PSD2: variants seen among roughly 807,000 people sequenced by gnomAD.
PSD2 encodes the protein PH and SEC7 domain-containing protein 2.
Under a neutral mutation model 69.8 loss-of-function variants are expected in PSD2, and 38 were observed. The observed-to-expected ratio is 0.54, with a 90% CI of 0.42 to 0.71. The LOEUF is 0.71. Among genes scored for constraint, PSD2 ranks in the 30% least tolerant of loss-of-function variants. PSD2 has a pLI of 0.00. For missense variants in PSD2, 943 were observed against 1,014.5 expected (o/e 0.93, Z 0.96); for synonymous variants, 412 against 423.0 (o/e 0.97, Z 0.32).
chr5:139,746,433 C>T, the PSD2 span, among the ~76,000 whole-genome samples: 7 of 152,198 alleles, frequency 4.6e-5, no homozygotes, highest in Admixed American at 2.6e-4. This position sits in a 1 kb window ranked among gnomAD's most constrained non-coding sequence, Gnocchi z 4.5. Flanking sequence ...GCTGGGGGGT[C>T]ACCCGAGCCT....
chr5:139,774,360 T>C, the PSD2 span, among the ~76,000 whole-genome samples: 1 of 152,046 alleles, frequency 6.6e-6, no homozygotes, highest in African/African-American at 2.4e-5. Context: ...GGACCTGAAG[T>C]GTGGAGTGAG....
chr5:139,840,237 T>C, intron 14 of PSD2, 67 bp downstream of exon 14: 1 of 1,569,200 alleles, frequency 6.4e-7, no homozygotes. Flanking sequence ...CCTGGCCTGA[T>C]GTGGGACTGG....
At chr5:139,765,982 G>C in the PSD2 span, among the ~76,000 whole-genome samples, 1 of 152,060 alleles carries the variant, frequency 6.6e-6, no homozygotes. Context: ...TCCTTTTTTG[G>C]GCCTGTCCTC....
intron 7 of PSD2, among the ~76,000 whole-genome samples, chr5:139,824,058 G>C (rs1253063687): frequency 2.0e-5 from 3 of 152,246 alleles, no homozygotes; most frequent in African/African-American, 7.2e-5. Context: ...CAAAGCCCAT[G>C]AGCCTGCTGC....
the PSD2 span, among the ~76,000 whole-genome samples, chr5:139,762,168 A>G: frequency 6.6e-6 from 1 of 150,834 alleles, no homozygotes; most frequent in Non-Finnish European, 1.5e-5. Flanking sequence ...TCAACCTCCC[A>G]AGTAGCTAGG....
chr5:139,830,608 C>CTTTCTCTTTT (rs1469905987), intron 7 of PSD2, among the ~76,000 whole-genome samples: 1 of 101,948 alleles, frequency 9.8e-6, no homozygotes, highest in Non-Finnish European at 2.0e-5. Flanking sequence ...TTCTTTCTTT[C>CTTTCTCTTTT]TCTTTCTTTC....
chr5:139,760,373 TCCACAGGTGTGCTCACGGGGGAC>T, the PSD2 span, among the ~76,000 whole-genome samples: 5 of 152,154 alleles, frequency 3.3e-5, no homozygotes, highest in African/African-American at 9.7e-5. Flanking sequence ...TGGTGCCAGA[TCCACAGGTGTGCTCACGGGGGAC>T]CCACAGGTGT....
chr5:139,814,095 A>G lies in PSD2; in HGVS notation c.822-75A>G. 6.8e-7 allele frequency: 1 copy of G among 1,471,026 alleles called. No individual in the cohort carries two copies. The allele number at this position is 1,471,026 out of a possible 1,614,324, so 91.1% of individuals were successfully genotyped here. On this transcript the variant is annotated intron_variant, in intron 3 of 14. Transcript: ENST00000274710. This position sits in a 1 kb window ranked among gnomAD's most constrained non-coding sequence, Gnocchi z 4.4. ...CTACATGGTTTGCAGTGGCCTGGGG[A>G]AACCTCCCAGCCTCCTCTGGGGCCT...
the PSD2 span, among the ~76,000 whole-genome samples, chr5:139,747,049 C>G: frequency 6.6e-6 from 1 of 152,174 alleles, no homozygotes; most frequent in Admixed American, 6.5e-5. This position sits in a 1 kb window ranked among gnomAD's most constrained non-coding sequence, Gnocchi z 6.7. Context: ...TCCTCTCTGG[C>G]TCTGAGGTTC....
the PSD2 span, among the ~76,000 whole-genome samples, chr5:139,766,924 CCTTCCCTTCTTTCTTT>C: frequency 0.027 from 885 of 33,132 alleles, 44 homozygotes; most frequent in African/African-American, 0.041. Context: ...TTCCTTCCTT[CCTTCCCTTCTTTCTTT>C]CTTTCTTTCT....
intron 14 of PSD2, among the ~76,000 whole-genome samples, chr5:139,841,854 T>G (rs1760878644): frequency 6.6e-6 from 1 of 152,238 alleles, no homozygotes. Flanking sequence ...GGTTGTCTTC[T>G]GTTGTTGCAT....
rs533945805 is a variant in PSD2 at position 139,814,561 on chromosome 5, G to A, written c.1016+197G>A. On this transcript the variant is annotated intron_variant, in intron 4 of 14. Coordinates refer to ENST00000274710, the MANE Select transcript of PSD2 (RefSeq NM_032289.4). The surrounding 1 kb of genome is among the most constrained non-coding windows in gnomAD (Gnocchi z 4.4). ...TCTGTTTCCTTTCTGGGCTGCTTGG[G>A]CGAAGCTGATGCTCTCGGGGAGGGG... Among the ~76,000 whole-genome samples, 17 of 152,112 alleles carry A rather than the reference G, an allele frequency of 1.1e-4. No homozygotes were observed. The highest frequency in any genetic ancestry group is 4.1e-4 in the African/African-American group (17 of 41,474).
chr5:139,822,649 T>G (rs1760299989), intron 6 of PSD2, 77 bp from the exon 7 acceptor site: 8 of 1,367,338 alleles, frequency 5.9e-6, no homozygotes, highest in Non-Finnish European at 8.1e-6. Context: ...CAAGGTCTCC[T>G]GACGGGTTCC....
At chr5:139,750,141 C>T in the PSD2 span, among the ~76,000 whole-genome samples, 17 of 151,720 alleles carry the variant, frequency 1.1e-4, no homozygotes, top group South Asian at 2.1e-4. Flanking sequence ...CTGGCTAACA[C>T]GGTGAAACCC....
chr5:139,837,617 C>G lies in PSD2; in HGVS notation c.1666-8C>G. 6.3e-7 allele frequency: 1 copy of G among 1,590,406 alleles called. No individual in the cohort carries two copies. On this transcript the variant is annotated splice_polypyrimidine_tract_variant and splice_region_variant and intron_variant, in intron 11 of 14. Coordinates refer to ENST00000274710, the MANE Select transcript of PSD2 (RefSeq NM_032289.4). This position sits in a 1 kb window ranked among gnomAD's most constrained non-coding sequence, Gnocchi z 5.0. The stretch of plus-strand genomic sequence containing the variant: ...GTGACCCTAGCTCGCCCATCCTGCC[C>G]CACCCAGGATGAGTACAGGCCTGAC...
chr5:139,799,853 G>A (rs1180203249), intron 1 of PSD2, among the ~76,000 whole-genome samples: 1 of 152,178 alleles, frequency 6.6e-6, no homozygotes, highest in Non-Finnish European at 1.5e-5. Flanking sequence ...ACTAGAGATA[G>A]GGAGAGTGGG....
At chr5:139,817,607 C>A (rs774551744) in intron 5 of PSD2, 46 bp downstream of exon 5, 3 of 1,461,412 alleles carry the variant, frequency 2.1e-6, no homozygotes, top group African/African-American at 1.4e-5. Flanking sequence ...GTACAGGCTG[C>A]ACTTCTGGAT....
intron 7 of PSD2, among the ~76,000 whole-genome samples, chr5:139,826,770 A>C (rs1376277482): frequency 6.6e-6 from 1 of 152,140 alleles, no homozygotes; most frequent in African/African-American, 2.4e-5. Context: ...TCCAGTTAAG[A>C]GGTGATCTAA....
the PSD2 span, among the ~76,000 whole-genome samples, chr5:139,763,874 TTC>T: frequency 2.0e-5 from 3 of 152,184 alleles, no homozygotes; most frequent in Admixed American, 1.3e-4. Context: ...GAGTCTGAAA[TTC>T]TCTCTGCTGC....
Sources: gnomAD v4.1 joint callset for allele counts (sites outside exome capture counted in the v4.1 genomes callset) on GRCh38, gnomAD v4.1.1 for gene constraint, Gnocchi (gnomAD v3.1) non-coding constraint, MANE v1.5 for transcripts, NCBI Gene and HGNC (gene_info 2026-07-23, HGNC 2026-07-21) for gene names.